RAPGEF2: variants seen among roughly 807,000 people sequenced by gnomAD.
RAPGEF2 encodes the protein Rap guanine nucleotide exchange factor 2.
In RAPGEF2, 54 loss-of-function variants were observed where a neutral mutation model predicts 186.7. That is an observed-to-expected ratio of 0.29 (90% CI 0.23 to 0.36). The LOEUF is 0.36. RAPGEF2 is among the 10% of genes least tolerant of loss of function. The pLI is 1.00. For missense variants in RAPGEF2, 1,532 were observed against 2,045.0 expected (o/e 0.75, Z 4.84); for synonymous variants, 712 against 705.9 (o/e 1.01, Z -0.14).
At chr4:159,303,106 G>A (rs1312767985) in intron 7 of RAPGEF2, among the ~76,000 whole-genome samples, 5 of 152,092 alleles carry the variant, frequency 3.3e-5, no homozygotes, top group African/African-American at 1.2e-4. Flanking sequence ...AAGGTAGAGA[G>A]GGGTGTAATC....
chr4:159,339,165 A>T lies in RAPGEF2; in HGVS notation c.2345A>T (p.Tyr782Phe), dbSNP rs1327549169. 6.2e-7 allele frequency: 1 copy of T among 1,614,044 alleles called. No homozygotes were observed. Among genetic ancestry groups the T allele is most frequent in the Non-Finnish European group, 8.5e-7 (1 of 1,180,020 alleles). ...RVFKADQQSR[Y>F]IMISKDTTAK... Reference sequence around the variant, plus strand: ...TTTAAGGCTGATCAGCAAAGCCGCTACATCATGATCAGTAAGGACACTACA... The same window carrying T: ...TTTAAGGCTGATCAGCAAAGCCGCTTCATCATGATCAGTAAGGACACTACA... Residue 782 changes from tyrosine (Y) to phenylalanine (F), a missense_variant, in exon 19 of 30, where the codon TAC becomes TTC. Around this residue, in one of 4 missense-constraint regions of RAPGEF2, gnomAD observed 810 missense variants for 1,210.5 expected, o/e 0.67. Transcript: ENST00000691494.
At chr4:159,241,430 A>G (rs1753978173) in intron 6 of RAPGEF2, 62 bp downstream of exon 6, 1 of 1,119,360 alleles carries the variant, frequency 8.9e-7, no homozygotes, top group Non-Finnish European at 1.1e-6. Context: ...TTTTGTGAAA[A>G]GATGTTTAAG....
intron 1 of RAPGEF2, among the ~76,000 whole-genome samples, chr4:159,121,643 A>G (rs1010193450): frequency 3.3e-5 from 5 of 152,080 alleles, no homozygotes; most frequent in African/African-American, 1.2e-4. Context: ...TGTTGGGATT[A>G]TAAATGTTGG....
intron 1 of RAPGEF2, among the ~76,000 whole-genome samples, chr4:159,136,271 TAGC>T (rs1260671198): frequency 6.6e-6 from 1 of 152,230 alleles, no homozygotes; most frequent in Admixed American, 6.5e-5. Context: ...ATTGTATTAG[TAGC>T]AGAGTCATTA....
chr4:159,171,190 A>G (rs988518948), intron 1 of RAPGEF2, among the ~76,000 whole-genome samples: 1 of 152,198 alleles, frequency 6.6e-6, no homozygotes, highest in Non-Finnish European at 1.5e-5. Flanking sequence ...GCAGCCTGAC[A>G]TATTTTGGCA....
chr4:159,281,497 C>G (rs1430221998), intron 7 of RAPGEF2, among the ~76,000 whole-genome samples: 1 of 151,172 alleles, frequency 6.6e-6, no homozygotes, highest in South Asian at 2.1e-4. Context: ...TGGTGAAACC[C>G]CTTCTCTACT....
rs1287010691 is a variant in RAPGEF2 at position 159,218,704 on chromosome 4, G to C, written c.281+8121G>C. Reference sequence around the variant, plus strand: ...ACCCAGGTGGCAGAGGTTGCAGTGAGCCAAGATCACGCCACTGCACTCCAG... The same window carrying C: ...ACCCAGGTGGCAGAGGTTGCAGTGACCCAAGATCACGCCACTGCACTCCAG... On this transcript the variant is annotated intron_variant, in intron 4 of 29. Coordinates refer to ENST00000691494, the MANE Select transcript of RAPGEF2 (RefSeq NM_001394067.2). 2.6e-5 allele frequency among the ~76,000 whole-genome samples: 4 copies of C among 151,988 alleles called. 1 individual carries two copies.
chr4:159,295,942 C>T (rs1256232569), intron 7 of RAPGEF2, among the ~76,000 whole-genome samples: 1 of 151,774 alleles, frequency 6.6e-6, no homozygotes, highest in Non-Finnish European at 1.5e-5. Context: ...TGTATTTTTC[C>T]ATAAGGAAAA....
chr4:159,318,833 C>T (rs1025202587), intron 9 of RAPGEF2, among the ~76,000 whole-genome samples: 12 of 152,054 alleles, frequency 7.9e-5, no homozygotes, highest in African/African-American at 2.2e-4. Context: ...GAATTGGCTT[C>T]GGCTTCTGGT....
At chr4:159,260,672 A>G (rs2110739466) in intron 7 of RAPGEF2, among the ~76,000 whole-genome samples, 1 of 152,334 alleles carries the variant, frequency 6.6e-6, no homozygotes, top group Non-Finnish European at 1.5e-5. Flanking sequence ...ATGAGTGTCA[A>G]ATTTGTATCC....
chr4:159,199,586 G>T (rs78062748), intron 3 of RAPGEF2, among the ~76,000 whole-genome samples: 9,614 of 152,140 alleles, frequency 0.063, 438 homozygotes, highest in South Asian at 0.13. Flanking sequence ...TCAGGTGTTG[G>T]ATTCTTCGTA....
At chr4:159,268,000 G>A (rs753727722) in intron 7 of RAPGEF2, 11 of 1,428,320 alleles carry the variant, frequency 7.7e-6, no homozygotes, top group Non-Finnish European at 9.1e-6. Context: ...GGGTTTTTAA[G>A]CTTACCAGTA....
At chr4:159,128,219 A>G (rs1267589091) in intron 1 of RAPGEF2, among the ~76,000 whole-genome samples, 3 of 152,166 alleles carry the variant, frequency 2.0e-5, no homozygotes, top group Admixed American at 1.3e-4. Flanking sequence ...TGTCAATCTA[A>G]TAGTACATTT....
chr4:159,314,750 C>G lies in RAPGEF2; in HGVS notation c.835C>G (p.Arg279Gly). ...RDCLEKDPID[R>G]TDDDIEQLLE... ...CTGCCTAGAGAAGGACCCAATTGAC[C>G]GGACAGATGATGACATTGGTAAGCT... Residue 279 changes from arginine (R) to glycine (G), a missense_variant, in exon 9 of 30, where the codon CGG (arginine) becomes GGG (glycine). Physicochemically the swap from Arg to Gly is moderately radical, Grantham distance 125 (BLOSUM62 -2). Transcript: ENST00000691494. 1 of 1,603,994 alleles carries G rather than the reference C, an allele frequency of 6.2e-7. No homozygotes were observed. Among genetic ancestry groups the G allele is most frequent in the Non-Finnish European group, 8.5e-7 (1 of 1,176,848 alleles).
intron 2 of RAPGEF2, among the ~76,000 whole-genome samples, chr4:159,192,033 A>ATCCCAGCACTTTGGGAG (rs1748177423): frequency 6.6e-6 from 1 of 152,200 alleles, no homozygotes; most frequent in African/African-American, 2.4e-5. Context: ...GGCCGAGGCA[A>ATCCCAGCACTTTGGGAG]GAACCCTTCT....
At chr4:159,276,730 C>T (rs1758930462) in intron 7 of RAPGEF2, among the ~76,000 whole-genome samples, 1 of 151,946 alleles carries the variant, frequency 6.6e-6, no homozygotes, top group Non-Finnish European at 1.5e-5. Context: ...CTTTACCGTT[C>T]ATTGTCCTTA....
chr4:159,325,409 A>G (rs1765788613), intron 11 of RAPGEF2, among the ~76,000 whole-genome samples: 1 of 152,200 alleles, frequency 6.6e-6, no homozygotes, highest in Non-Finnish European at 1.5e-5. Flanking sequence ...GGAATTATAT[A>G]TGCTGTTTCA....
intron 1 of RAPGEF2, among the ~76,000 whole-genome samples, chr4:159,134,180 A>G (rs1003445982): frequency 6.6e-6 from 1 of 152,076 alleles, no homozygotes; most frequent in African/African-American, 2.4e-5. Context: ...TCTGATTTCT[A>G]TCCTTATAGT....
At chr4:159,247,755 C>CT (rs56053207) in intron 7 of RAPGEF2, among the ~76,000 whole-genome samples, 9,888 of 83,444 alleles carry the variant, frequency 0.12, 670 homozygotes, top group East Asian at 0.24. Context: ...TAATTTGTTT[C>CT]TTTTTTTTTT....
Sources: allele counts gnomAD v4.1 joint callset (sites outside exome capture counted in the v4.1 genomes callset), GRCh38; gene constraint gnomAD v4.1.1; regional missense constraint gnomAD v4.1.1; transcripts MANE v1.5; gene names NCBI Gene and HGNC (gene_info 2026-07-23, HGNC 2026-07-21).